The following MMP16 variants were observed in gnomAD, a reference collection of about 807,000 sequenced individuals.
The protein encoded by MMP16 is matrix metalloproteinase-16.
In MMP16, 12 loss-of-function variants were observed where a neutral mutation model predicts 67.8. The observed-to-expected ratio is 0.18, with a 90% CI of 0.11 to 0.29. The LOEUF (loss-of-function observed/expected upper bound fraction) is 0.29, where lower values mean the gene tolerates loss of function less well. Among genes scored for constraint, MMP16 ranks in the 10% least tolerant of loss-of-function variants. The probability of loss-of-function intolerance (pLI) is 1.00; values close to 1 mark genes in which losing one functional copy is unlikely to be tolerated. For missense variants in MMP16, 475 were observed against 765.7 expected, an observed-to-expected ratio of 0.62 and a Z score of 4.48; for synonymous variants, 249 against 255.9, an observed-to-expected ratio of 0.97 and a Z score of 0.26.
intron 8 of MMP16, among the ~76,000 whole-genome samples, chr8:88,048,010 G>T (rs1221278130): frequency 6.6e-6 from 1 of 152,162 alleles, no homozygotes; most frequent in East Asian, 1.9e-4. Context: ...GGATGTGAAA[G>T]AGAAGGAAGC....
intron 1 of MMP16, among the ~76,000 whole-genome samples, chr8:88,295,926 T>G (rs930583413): frequency 2.0e-5 from 3 of 152,086 alleles, no homozygotes; most frequent in Non-Finnish European, 4.4e-5. Context: ...AGTGCCATAA[T>G]CAGTACATGT....
At chr8:88,301,431 T>G (rs1243803339) in intron 1 of MMP16, among the ~76,000 whole-genome samples, 1 of 152,158 alleles carries the variant, frequency 6.6e-6, no homozygotes, top group African/African-American at 2.4e-5. Context: ...TTTTAATATC[T>G]CTGTGACTTA....
chr8:88,324,444 G>A, intron 1 of MMP16, among the ~76,000 whole-genome samples: 1 of 152,012 alleles, frequency 6.6e-6, no homozygotes, highest in East Asian at 1.9e-4. Context: ...AAAGAATGGG[G>A]GGACCACAAA....
At chr8:88,160,235 C>T (rs939106789) in intron 4 of MMP16, among the ~76,000 whole-genome samples, 19 of 151,844 alleles carry the variant, frequency 1.3e-4, no homozygotes, top group African/African-American at 4.6e-4. Context: ...GGTTTTTTGT[C>T]CTTGCGATAG....
At chr8:88,308,510 C>A (rs911985576) in intron 1 of MMP16, among the ~76,000 whole-genome samples, 1 of 152,016 alleles carries the variant, frequency 6.6e-6, no homozygotes, top group African/African-American at 2.4e-5. Context: ...TAAGCCATTA[C>A]ATTCTATAGT....
chr8:88,078,683 A>G (rs1313428271), intron 6 of MMP16, among the ~76,000 whole-genome samples: 3 of 152,144 alleles, frequency 2.0e-5, no homozygotes, highest in Non-Finnish European at 4.4e-5. Flanking sequence ...TCCGTCTCAG[A>G]AAAAAACAAA....
At chr8:88,287,159 TAAC>T (rs1486099982) in intron 1 of MMP16, among the ~76,000 whole-genome samples, 4 of 152,218 alleles carry the variant, frequency 2.6e-5, no homozygotes, top group Admixed American at 2.0e-4. Context: ...CAAAGCCACT[TAAC>T]AAGTTCTGCG....
chr8:88,103,336 G>A (rs1809176509), intron 6 of MMP16, among the ~76,000 whole-genome samples: 1 of 151,722 alleles, frequency 6.6e-6, no homozygotes, highest in African/African-American at 2.4e-5. Flanking sequence ...TTCTTCCTGA[G>A]GGAAAGAATA....
At chr8:88,073,141 G>GCTA (rs1421766356) in intron 7 of MMP16, among the ~76,000 whole-genome samples, 1 of 152,138 alleles carries the variant, frequency 6.6e-6, no homozygotes, top group African/African-American at 2.4e-5. Flanking sequence ...TCTTTTTGTT[G>GCTA]CTACTACTCA....
chr8:88,200,834 T>G (rs557653939), intron 1 of MMP16, among the ~76,000 whole-genome samples: 1 of 151,890 alleles, frequency 6.6e-6, no homozygotes, highest in African/African-American at 2.4e-5. Flanking sequence ...GAAAAATGAT[T>G]ATATAAAAAA....
intron 2 of MMP16, among the ~76,000 whole-genome samples, chr8:88,191,615 A>G (rs759164292): frequency 5.3e-5 from 8 of 152,296 alleles, no homozygotes; most frequent in Non-Finnish European, 8.8e-5. Flanking sequence ...CCCCTGTTTT[A>G]TGTAAATAAA....
Position 88,038,845 on chromosome 8 carries a change from CA to C in MMP16, c.*2615del, listed in dbSNP as rs1326767703. ...TCTTGGCCCTTGCGTACATAATCTCCAATATCCTCTTAAAATATTGTCTGCA... is the reference window on the plus strand; with the variant it reads ...TCTTGGCCCTTGCGTACATAATCTCCATATCCTCTTAAAATATTGTCTGCA... On this transcript the variant is annotated 3_prime_UTR_variant, in exon 10 of 10. Transcript: ENST00000286614. The surrounding 1 kb of genome is among the most constrained non-coding windows in gnomAD (Gnocchi z 4.1). The C allele has an allele frequency of 6.6e-6, 1 of 152,536 alleles. No homozygotes were observed. Among genetic ancestry groups the C allele is most frequent in the African/African-American group, 2.4e-5 (1 of 41,430 alleles). 9.4% of individuals were successfully genotyped at this position (152,536 alleles called of 1,614,324 possible).
chr8:88,294,427 C>T (rs536062596), intron 1 of MMP16, among the ~76,000 whole-genome samples: 1 of 149,856 alleles, frequency 6.7e-6, no homozygotes, highest in African/African-American at 2.5e-5. Flanking sequence ...CATATATACA[C>T]ATATGTATAT....
intron 1 of MMP16, among the ~76,000 whole-genome samples, chr8:88,263,036 A>AAATG (rs1237648263): frequency 2.9e-5 from 4 of 139,018 alleles, no homozygotes; most frequent in African/African-American, 1.2e-4. Context: ...ATAAATAAAT[A>AAATG]AATAAATAAA....
chr8:88,183,545 T>C (rs1809016841), intron 3 of MMP16, among the ~76,000 whole-genome samples: 2 of 152,162 alleles, frequency 1.3e-5, no homozygotes, highest in Non-Finnish European at 2.9e-5. Flanking sequence ...TTCCTTTTCT[T>C]TCTTTACCTC....
intron 3 of MMP16, among the ~76,000 whole-genome samples, chr8:88,180,410 G>A (rs753620869): frequency 5.3e-5 from 8 of 151,798 alleles, no homozygotes; most frequent in Non-Finnish European, 1.0e-4. Flanking sequence ...CCTCAAATAT[G>A]AGGATACAGA....
At chr8:88,242,493 C>A (rs1288068606) in intron 1 of MMP16, among the ~76,000 whole-genome samples, 1 of 152,098 alleles carries the variant, frequency 6.6e-6, no homozygotes, top group African/African-American at 2.4e-5. Context: ...CCTGTGTGAA[C>A]ACAGCAATAT....
chr8:88,050,125 C>G (rs1200697938), intron 8 of MMP16, among the ~76,000 whole-genome samples: 1 of 152,172 alleles, frequency 6.6e-6, no homozygotes, highest in East Asian at 1.9e-4. Context: ...AGTTCAAGAC[C>G]AGCCTGGCCA....
intron 8 of MMP16, among the ~76,000 whole-genome samples, chr8:88,050,508 TATATAC>T (rs1252283108): frequency 6.6e-6 from 1 of 152,204 alleles, no homozygotes; most frequent in African/African-American, 2.4e-5. Flanking sequence ...AAAGTAAATT[TATATAC>T]ATATATTGTT....
Sources: gnomAD v4.1 joint callset for allele counts (sites outside exome capture counted in the v4.1 genomes callset) on GRCh38, gnomAD v4.1.1 for gene constraint, Gnocchi (gnomAD v3.1) non-coding constraint, MANE v1.5 for transcripts, NCBI Gene and HGNC (gene_info 2026-07-23, HGNC 2026-07-21) for gene names.